Variants in SNTG1 observed in about 807,000 individuals in gnomAD.
SNTG1 encodes the protein gamma-1-syntrophin.
SNTG1 carries 39 observed loss-of-function variants against 74.7 expected under a neutral mutation model. That is an observed-to-expected ratio of 0.52 (90% CI 0.40 to 0.68). The LOEUF is 0.68. Among genes scored for constraint, SNTG1 ranks in the 30% least tolerant of loss-of-function variants. The pLI is 0.00. For missense variants in SNTG1, 685 were observed against 609.5 expected (o/e 1.12, Z -1.30); for synonymous variants, 254 against 217.1 (o/e 1.17, Z -1.49).
At chr8:50,736,539 A>G (rs747701701) in intron 17 of SNTG1, among the ~76,000 whole-genome samples, 13 of 152,176 alleles carry the variant, frequency 8.5e-5, no homozygotes, top group African/African-American at 2.9e-4. Context: ...ATTAACAAGG[A>G]TATTCAGAAC....
chr8:50,422,287 G>T (rs940414906), intron 4 of SNTG1, among the ~76,000 whole-genome samples: 2 of 137,462 alleles, frequency 1.5e-5, no homozygotes, highest in African/African-American at 6.1e-5. Flanking sequence ...ATCTATCTAT[G>T]TAGATAGGTA....
chr8:50,722,074 A>G lies in SNTG1; in HGVS notation c.1284+13096A>G, dbSNP rs188347502. On this transcript the variant is annotated intron_variant, in intron 17 of 18. Transcript: ENST00000642720. The stretch of plus-strand genomic sequence containing the variant: ...ATAAAATTTCAACATTTCATCTTCA[A>G]TTGCACATGGATTAATCATTACTTA... Among the ~76,000 whole-genome samples, 6 of 144,920 alleles carry G rather than the reference A, an allele frequency of 4.1e-5. No individual in the cohort carries two copies. In the East Asian group the frequency reaches 1.1e-3, roughly 26 times the overall value.
chr8:49,962,457 C>A (rs974590330), intron 1 of SNTG1, among the ~76,000 whole-genome samples: 8 of 151,868 alleles, frequency 5.3e-5, no homozygotes, highest in African/African-American at 1.9e-4. Context: ...AGTCAGGAAA[C>A]AAGGTCATCA....
chr8:50,258,353 G>T (rs1238178015), intron 2 of SNTG1, among the ~76,000 whole-genome samples: 2 of 151,996 alleles, frequency 1.3e-5, no homozygotes, highest in Non-Finnish European at 2.9e-5. Context: ...ATATATTTTT[G>T]ATGAAACATA....
intron 17 of SNTG1, among the ~76,000 whole-genome samples, chr8:50,717,022 C>T (rs1053140296): frequency 6.6e-6 from 1 of 152,100 alleles, no homozygotes; most frequent in Non-Finnish European, 1.5e-5. Flanking sequence ...AGGCGTGAGC[C>T]ACCGCGCCCA....
At chr8:50,611,629 T>A (rs1252616710) in intron 13 of SNTG1, among the ~76,000 whole-genome samples, 3 of 152,190 alleles carry the variant, frequency 2.0e-5, no homozygotes, top group African/African-American at 7.2e-5. Context: ...ATACCCTTAA[T>A]ATGTTGAATA....
At chr8:50,089,421 T>A (rs2079626233) in intron 1 of SNTG1, among the ~76,000 whole-genome samples, 1 of 150,130 alleles carries the variant, frequency 6.7e-6, no homozygotes, top group Non-Finnish European at 1.5e-5. Context: ...CTAATTAAAC[T>A]AAAGAGCTTC....
chr8:50,769,533 G>A (rs2095622065), intron 18 of SNTG1, among the ~76,000 whole-genome samples: 1 of 151,876 alleles, frequency 6.6e-6, no homozygotes, highest in African/African-American at 2.4e-5. Context: ...AAGCATTTAA[G>A]GGTAGAAATA....
chr8:50,617,278 G>C lies in SNTG1; in HGVS notation c.849+26361G>C, dbSNP rs546868293. 1.8e-4 allele frequency among the ~76,000 whole-genome samples: 28 copies of C among 151,898 alleles called. No homozygotes were observed. In the East Asian group the frequency reaches 5.1e-3, roughly 27 times the overall value. On this transcript the variant is annotated intron_variant, in intron 13 of 18. Coordinates refer to ENST00000642720, the MANE Select transcript of SNTG1 (RefSeq NM_018967.5). ...GAACTTTGACCTATAACTGTGCTTT[G>C]CATTTTTTCAATCCTCAGTTAATTT...
intron 9 of SNTG1, among the ~76,000 whole-genome samples, chr8:50,504,749 T>C (rs1458586625): frequency 1.3e-5 from 2 of 152,276 alleles, no homozygotes; most frequent in South Asian, 4.1e-4. Flanking sequence ...TGCAGTGAGC[T>C]GAGTAAGACC....
In SNTG1 at chr8:50,657,020, C is replaced by T; in HGVS notation, c.961C>T (p.Pro321Ser). The stretch of plus-strand genomic sequence containing the variant: ...CTCATGTCTCTACAAGTTTCTGGCA[C>T]CTCCAGTACGTGTTTTATTGAAATG... Reference protein sequence around the residue: ...RGSCLYKFLAPPVTTWDWTRA... With the variant: ...RGSCLYKFLASPVTTWDWTRA... Residue 321 changes from proline (P) to serine (S), a missense_variant, in exon 14 of 19, where the codon CCT (proline) becomes TCT (serine). Physicochemically the swap from Pro to Ser is moderately conservative, Grantham distance 74. Transcript: ENST00000642720. 6.5e-7 allele frequency: 1 copy of T among 1,529,686 alleles called. No homozygotes were observed. The highest frequency in any genetic ancestry group is 8.8e-7 in the Non-Finnish European group (1 of 1,140,190). The allele number at this position is 1,529,686 out of a possible 1,614,324, so 94.8% of individuals were successfully genotyped here.
At chr8:50,246,279 T>C (rs532519334) in intron 2 of SNTG1, among the ~76,000 whole-genome samples, 39 of 151,988 alleles carry the variant, frequency 2.6e-4, no homozygotes, top group African/African-American at 9.4e-4. Flanking sequence ...AAGGAGCAGA[T>C]ACAAGGGGAC....
At chr8:50,516,516 C>T (rs2130066171) in intron 9 of SNTG1, among the ~76,000 whole-genome samples, 1 of 152,040 alleles carries the variant, frequency 6.6e-6, no homozygotes, top group Non-Finnish European at 1.5e-5. Context: ...GGGATCATGT[C>T]CTATCCCAAT....
At chr8:50,474,404 A>G (rs1320097044) in intron 8 of SNTG1, among the ~76,000 whole-genome samples, 2 of 151,958 alleles carry the variant, frequency 1.3e-5, no homozygotes, top group Non-Finnish European at 2.9e-5. Context: ...ACCCCATCAA[A>G]AAGTGGGCGA....
chr8:50,117,915 A>G (rs550146474), intron 1 of SNTG1, among the ~76,000 whole-genome samples: 1 of 152,250 alleles, frequency 6.6e-6, no homozygotes, highest in Admixed American at 6.5e-5. Flanking sequence ...TGACTAGCAG[A>G]GCTGAAGTGT....
intron 5 of SNTG1, among the ~76,000 whole-genome samples, chr8:50,444,562 C>T (rs1291287606): frequency 1.3e-5 from 2 of 151,948 alleles, no homozygotes; most frequent in East Asian, 1.9e-4. Context: ...CCATCCTGGC[C>T]AACATGGTGA....
intron 1 of SNTG1, among the ~76,000 whole-genome samples, chr8:49,998,411 C>A (rs1483394924): frequency 2.6e-5 from 4 of 151,316 alleles, no homozygotes; most frequent in African/African-American, 7.4e-5. Flanking sequence ...CCTGCTGTAA[C>A]TTTTTTACTT....
intron 17 of SNTG1, among the ~76,000 whole-genome samples, chr8:50,742,926 G>T (rs1433606631): frequency 6.6e-6 from 1 of 151,728 alleles, no homozygotes; most frequent in Non-Finnish European, 1.5e-5. Flanking sequence ...TAACCTAGAT[G>T]AAATAGATAA....
intron 1 of SNTG1, among the ~76,000 whole-genome samples, chr8:50,031,330 T>C (rs946682255): frequency 6.6e-6 from 1 of 152,096 alleles, no homozygotes; most frequent in African/African-American, 2.4e-5. Flanking sequence ...ATGTCTTTTA[T>C]TTCCATTACT....
Sources: allele counts gnomAD v4.1 joint callset (sites outside exome capture counted in the v4.1 genomes callset), GRCh38; gene constraint gnomAD v4.1.1; transcripts MANE v1.5; gene names NCBI Gene and HGNC (gene_info 2026-07-23, HGNC 2026-07-21).